FOCAD: variants seen among roughly 807,000 people sequenced by gnomAD.
FOCAD encodes KIAA1797.
In FOCAD, 198 loss-of-function variants were observed where a neutral mutation model predicts 225.6. That is an observed-to-expected ratio of 0.88 (90% CI 0.78 to 0.99). The LOEUF (loss-of-function observed/expected upper bound fraction) is 0.99. FOCAD is among the 50% of genes least tolerant of loss of function. The probability of loss-of-function intolerance (pLI) is 0.00; values close to 1 mark genes in which losing one functional copy is unlikely to be tolerated. For synonymous variants in FOCAD, 897 were observed against 755.0 expected (o/e 1.19, Z -3.08); for missense variants, 2,713 against 2,123.6 (o/e 1.28, Z -5.46).
intron 28 of FOCAD, among the ~76,000 whole-genome samples, chr9:20,942,339 A>T (rs17691940): frequency 0.29 from 43,403 of 152,032 alleles, 6,475 homozygotes; most frequent in Middle Eastern, 0.35. Context: ...GGATAGAGAT[A>T]TTTATGTGCC....
chr9:20,783,219 C>T (rs1819574619), intron 10 of FOCAD, among the ~76,000 whole-genome samples: 1 of 152,148 alleles, frequency 6.6e-6, no homozygotes, highest in Non-Finnish European at 1.5e-5. Context: ...TTATTATTAA[C>T]ACTAATATCT....
At chr9:20,750,841 T>G (rs1277822339) in intron 5 of FOCAD, among the ~76,000 whole-genome samples, 1 of 152,170 alleles carries the variant, frequency 6.6e-6, no homozygotes, top group African/African-American at 2.4e-5. Flanking sequence ...AAGCTTGGCA[T>G]AGAATTATTA....
At chr9:20,745,059 T>A (rs1445498135) in intron 5 of FOCAD, among the ~76,000 whole-genome samples, 1 of 152,210 alleles carries the variant, frequency 6.6e-6, no homozygotes, top group East Asian at 1.9e-4. Context: ...AATTTTCTTT[T>A]GTTTAGCTAG....
chr9:20,826,730 A>G (rs545657412), intron 15 of FOCAD, among the ~76,000 whole-genome samples: 5 of 152,198 alleles, frequency 3.3e-5, no homozygotes, highest in African/African-American at 1.2e-4. Context: ...AATTTAATAC[A>G]TGGCTCACAA....
In FOCAD at chr9:20,789,331, CT is replaced by C. The variant is rs1216548419; in HGVS notation, c.1198-19del. The C allele has an allele frequency of 6.2e-7, 1 of 1,604,596 alleles. No individual in the cohort carries two copies. Among genetic ancestry groups the C allele is most frequent in the African/African-American group, 1.3e-5 (1 of 74,738 alleles). On this transcript the variant is annotated intron_variant, in intron 10 of 43. Coordinates refer to ENST00000338382, the MANE Select transcript of FOCAD (RefSeq NM_001375567.1). ...ATATTTATCTCACTTATTTATGCCTCTCTTGTCTTTATTTTTCAGCTCTCCT... is the reference window on the plus strand; with the variant it reads ...ATATTTATCTCACTTATTTATGCCTCCTTGTCTTTATTTTTCAGCTCTCCT...
intron 21 of FOCAD, among the ~76,000 whole-genome samples, chr9:20,896,067 C>G (rs1489139230): frequency 6.6e-6 from 1 of 151,758 alleles, no homozygotes. Context: ...GAGTTTTTAT[C>G]ATGAAAAACT....
chr9:20,743,819 C>A (rs1563935610), intron 5 of FOCAD, among the ~76,000 whole-genome samples: 1 of 152,152 alleles, frequency 6.6e-6, no homozygotes, highest in Non-Finnish European at 1.5e-5. Context: ...TATCTGGGAG[C>A]TTGATGGTTC....
At chr9:20,954,114 A>G (rs934980882) in intron 35 of FOCAD, among the ~76,000 whole-genome samples, 2 of 152,146 alleles carry the variant, frequency 1.3e-5, no homozygotes, top group Non-Finnish European at 2.9e-5. Context: ...TAGGGTCCTG[A>G]ATTAGCATGA....
intron 4 of FOCAD, among the ~76,000 whole-genome samples, chr9:20,730,276 CTA>C: frequency 6.6e-6 from 1 of 152,016 alleles, no homozygotes; most frequent in East Asian, 1.9e-4. Context: ...CATTCTAATT[CTA>C]TGTTTTTTTT....
intron 18 of FOCAD, among the ~76,000 whole-genome samples, chr9:20,871,566 T>G (rs1829768093): frequency 6.6e-6 from 1 of 151,488 alleles, no homozygotes. Context: ...AACAAATAAT[T>G]CTTTTAAGAA....
chr9:20,842,222 G>A (rs367756196), intron 15 of FOCAD, among the ~76,000 whole-genome samples: 4 of 151,688 alleles, frequency 2.6e-5, no homozygotes, highest in East Asian at 3.9e-4. Flanking sequence ...GTGTATTTCT[G>A]CAGCTGTTGG....
intron 10 of FOCAD, among the ~76,000 whole-genome samples, chr9:20,783,950 T>TA (rs550726928): frequency 3.2e-3 from 487 of 152,218 alleles, no homozygotes; most frequent in African/African-American, 0.011. Flanking sequence ...TAAAACCTTA[T>TA]AAAAAAGCAT....
At chr9:20,837,562 G>C (rs1361964650) in intron 15 of FOCAD, among the ~76,000 whole-genome samples, 3 of 151,842 alleles carry the variant, frequency 2.0e-5, no homozygotes, top group African/African-American at 7.3e-5. Context: ...TTGGGAGGGG[G>C]GTTGGTAAAT....
intron 27 of FOCAD, among the ~76,000 whole-genome samples, chr9:20,930,988 G>A (rs1325893854): frequency 6.6e-6 from 1 of 152,078 alleles, no homozygotes; most frequent in African/African-American, 2.4e-5. Context: ...ATCTTTTCAA[G>A]CAACATGTTT....
chr9:20,760,542 G>A (rs190276736), intron 6 of FOCAD, among the ~76,000 whole-genome samples: 1 of 152,220 alleles, frequency 6.6e-6, no homozygotes, highest in Middle Eastern at 3.4e-3. Flanking sequence ...TTACTTACTG[G>A]TATCTACTGT....
chr9:20,689,719 G>C (rs752382005), intron 1 of FOCAD, among the ~76,000 whole-genome samples: 32 of 152,240 alleles, frequency 2.1e-4, no homozygotes, highest in African/African-American at 4.1e-4. Flanking sequence ...CTTAGATTTG[G>C]GTATAAGGGT....
At chr9:20,821,120 G>T (rs1365678492) in intron 14 of FOCAD, 49 bp downstream of exon 14, 1 of 1,531,138 alleles carries the variant, frequency 6.5e-7, no homozygotes, top group Non-Finnish European at 8.8e-7. Flanking sequence ...ATATTATTTT[G>T]TATTTAATTT....
intron 4 of FOCAD, among the ~76,000 whole-genome samples, chr9:20,726,849 C>A (rs1339745656): frequency 1.3e-5 from 2 of 152,070 alleles, no homozygotes; most frequent in Non-Finnish European, 1.5e-5. Flanking sequence ...TATCTTGTTA[C>A]ATTATTGAAG....
chr9:20,962,868 A>G (rs1243135762), intron 35 of FOCAD, among the ~76,000 whole-genome samples: 1 of 152,186 alleles, frequency 6.6e-6, no homozygotes, highest in Non-Finnish European at 1.5e-5. Flanking sequence ...TATCTAAAAA[A>G]CTTGTTTGAA....
Sources: gnomAD v4.1 joint callset for allele counts (sites outside exome capture counted in the v4.1 genomes callset) on GRCh38, gnomAD v4.1.1 for gene constraint, MANE v1.5 for transcripts, NCBI Gene and HGNC (gene_info 2026-07-23, HGNC 2026-07-21) for gene names.